Variants in NTM observed in about 807,000 individuals in gnomAD.
NTM encodes IgLON family member 2.
Under a neutral mutation model 42.1 loss-of-function variants are expected in NTM, and 13 were observed. The ratio of observed to expected loss-of-function variants is 0.31; its 90% confidence interval spans 0.20 to 0.49. NTM has a LOEUF of 0.49. Ranked by LOEUF, NTM falls within the 20% of genes least tolerant of loss-of-function variation. The pLI, the probability that NTM is intolerant of heterozygous loss-of-function variation, is 0.99. For synonymous variants in NTM, 187 were observed against 179.2 expected, an observed-to-expected ratio of 1.04 and a Z score of -0.35; for missense variants, 373 against 452.8, an observed-to-expected ratio of 0.82 and a Z score of 1.60.
chr11:131,482,781 T>C (rs1591796124), intron 1 of NTM, among the ~76,000 whole-genome samples: 1 of 151,786 alleles, frequency 6.6e-6, no homozygotes, highest in African/African-American at 2.4e-5. Flanking sequence ...AGAACTAGAG[T>C]AAAGGAGATG....
At chr11:131,729,504 T>C (rs1467374406) in intron 1 of NTM, among the ~76,000 whole-genome samples, 1 of 152,164 alleles carries the variant, frequency 6.6e-6, no homozygotes. Flanking sequence ...AGTTGCAAAG[T>C]CAAGCAACCA....
rs191485257 is a variant in NTM at position 131,579,343 on chromosome 11, C to A, written c.82+208455C>A. Among the ~76,000 whole-genome samples, 9 of 152,280 alleles carry A rather than the reference C, an allele frequency of 5.9e-5. No individual in the cohort carries two copies. In the East Asian group the frequency reaches 1.5e-3, roughly 26 times the overall value. On this transcript the variant is annotated intron_variant, in intron 1 of 8. Coordinates refer to ENST00000683400, the MANE Select transcript of NTM (RefSeq NM_001352005.2). ...TGTTTTGCTGATTGTAAGTTTCCCACAAGTTACAAGAGTGAGGTTCCCTCT... is the reference window on the plus strand; with the variant it reads ...TGTTTTGCTGATTGTAAGTTTCCCAAAAGTTACAAGAGTGAGGTTCCCTCT...
In NTM at chr11:131,955,914, T is replaced by C. The variant is rs556401438; in HGVS notation, c.167+44266T>C. On this transcript the variant is annotated intron_variant, in intron 2 of 8. Transcript: ENST00000683400. ...AAGATTCCTGGGGCAAAGCAGCCCC[T>C]GGAGCCTGTTCTTAAGATAGCTCCA... is the stretch of plus-strand genomic sequence containing the variant. Among the ~76,000 whole-genome samples the C allele has an allele frequency of 2.1e-4, 32 of 152,352 alleles. 1 individual carries two copies. The South Asian group carries it at 6.0e-3, about 29-fold the overall frequency.
At chr11:131,451,309 G>A (rs1398317171) in intron 1 of NTM, among the ~76,000 whole-genome samples, 6 of 152,180 alleles carry the variant, frequency 3.9e-5, no homozygotes, top group Non-Finnish European at 5.9e-5. Flanking sequence ...GAACTGTATA[G>A]ATGAGTATTT....
chr11:131,394,502 C>G (rs1944342759), intron 1 of NTM, among the ~76,000 whole-genome samples: 1 of 152,190 alleles, frequency 6.6e-6, no homozygotes, highest in Admixed American at 6.5e-5. Flanking sequence ...GTCGGCCCTT[C>G]TACTAATGCT....
At chr11:132,040,368 G>A (rs1193527880) in intron 2 of NTM, among the ~76,000 whole-genome samples, 1 of 152,186 alleles carries the variant, frequency 6.6e-6, no homozygotes, top group East Asian at 1.9e-4. Flanking sequence ...GAAGTATGAT[G>A]GATATTTCTG....
In NTM at chr11:132,211,963, A is replaced by C; in HGVS notation, c.401-59A>C. On this transcript the variant is annotated intron_variant, in intron 3 of 8. Transcript: ENST00000683400. Reference sequence around the variant, plus strand: ...GGACTGTTCTGCCAACTACCATGTTAAGACAACTAAGAAATGTTTCAGGAG... The same window carrying C: ...GGACTGTTCTGCCAACTACCATGTTCAGACAACTAAGAAATGTTTCAGGAG... 3 of 1,564,022 alleles carry C rather than the reference A, an allele frequency of 1.9e-6. No homozygotes were observed. The South Asian group carries it at 3.7e-5, about 19-fold the overall frequency.
At chr11:131,578,426 A>T (rs926354522) in intron 1 of NTM, among the ~76,000 whole-genome samples, 4 of 152,196 alleles carry the variant, frequency 2.6e-5, no homozygotes, top group African/African-American at 9.6e-5. Context: ...AAAAAAGGCC[A>T]GTGCATTTAG....
intron 1 of NTM, among the ~76,000 whole-genome samples, chr11:131,532,618 G>A (rs925912753): frequency 1.3e-5 from 2 of 152,206 alleles, no homozygotes; most frequent in African/African-American, 2.4e-5. Flanking sequence ...GTAACTTGAC[G>A]TTTCATTTAT....
intron 2 of NTM, among the ~76,000 whole-genome samples, chr11:132,073,973 CGTG>C (rs757758755): frequency 1.2e-4 from 19 of 152,138 alleles, no homozygotes; most frequent in Non-Finnish European, 2.5e-4. Flanking sequence ...CTGGGGTTAA[CGTG>C]GTTGGAATGT....
chr11:131,574,307 G>A (rs923958898), intron 1 of NTM, among the ~76,000 whole-genome samples: 1 of 152,166 alleles, frequency 6.6e-6, no homozygotes, highest in African/African-American at 2.4e-5. Flanking sequence ...AAGCTGCCCT[G>A]AGTGTCCACA....
chr11:132,254,491 G>T (rs755351932), intron 4 of NTM, among the ~76,000 whole-genome samples: 1 of 151,796 alleles, frequency 6.6e-6, no homozygotes, highest in East Asian at 1.9e-4. Flanking sequence ...CAGCTGCTCA[G>T]TCCTCCTAAG....
At chr11:131,954,242 G>A (rs1449850890) in intron 2 of NTM, among the ~76,000 whole-genome samples, 1 of 152,222 alleles carries the variant, frequency 6.6e-6, no homozygotes, top group Non-Finnish European at 1.5e-5. Context: ...TCACTCAGCA[G>A]ACAGGGCAGG....
intron 4 of NTM, among the ~76,000 whole-genome samples, chr11:132,217,988 G>C (rs991369833): frequency 1.3e-5 from 2 of 152,114 alleles, no homozygotes; most frequent in Non-Finnish European, 2.9e-5. Context: ...ATCACAGCTT[G>C]AGTTCAACCA....
intron 2 of NTM, among the ~76,000 whole-genome samples, chr11:131,961,759 T>C (rs1377190009): frequency 6.6e-6 from 1 of 152,154 alleles, no homozygotes; most frequent in Non-Finnish European, 1.5e-5. Context: ...TGAGTGAGTC[T>C]TCCAGAACTG....
chr11:131,973,849 G>A (rs529528029), intron 2 of NTM, among the ~76,000 whole-genome samples: 2 of 152,034 alleles, frequency 1.3e-5, no homozygotes, highest in Admixed American at 6.6e-5. Context: ...AAGAGTAACT[G>A]GCACAGCATA....
chr11:132,149,874 T>G (rs1280194907), intron 3 of NTM, among the ~76,000 whole-genome samples: 1 of 152,194 alleles, frequency 6.6e-6, no homozygotes, highest in Non-Finnish European at 1.5e-5. Context: ...AAATTTAAAT[T>G]AGCTACAACC....
At chr11:132,162,574 CGTGTGT>C (rs370805408) in intron 3 of NTM, among the ~76,000 whole-genome samples, 17 of 80,716 alleles carry the variant, frequency 2.1e-4, no homozygotes, top group African/African-American at 7.7e-4. Context: ...TGGATGTGAT[CGTGTGT>C]GTGTGTGTGT....
chr11:132,009,789 C>T (rs1192519712), intron 2 of NTM, among the ~76,000 whole-genome samples: 4 of 152,180 alleles, frequency 2.6e-5, no homozygotes, highest in East Asian at 1.9e-4. Context: ...TAAAAACATC[C>T]GTCATCGGTG....
Sources: gnomAD v4.1 joint callset for allele counts (sites outside exome capture counted in the v4.1 genomes callset) on GRCh38, gnomAD v4.1.1 for gene constraint, MANE v1.5 for transcripts, NCBI Gene and HGNC (gene_info 2026-07-23, HGNC 2026-07-21) for gene names.